The following FAM168A variants were observed in gnomAD, a reference collection of about 807,000 sequenced individuals.
FAM168A encodes the protein family with sequence similarity 168 member A, also known as protein FAM168A.
FAM168A carries 3 observed loss-of-function variants against 28.5 expected under a neutral mutation model. The observed-to-expected ratio is 0.11, with a 90% CI of 0.05 to 0.27. The LOEUF (loss-of-function observed/expected upper bound fraction) is 0.27, where lower values mean the gene tolerates loss of function less well. Among genes scored for constraint, FAM168A ranks in the 10% least tolerant of loss-of-function variants. FAM168A has a pLI of 1.00. For missense variants in FAM168A, 222 were observed against 311.5 expected, an observed-to-expected ratio of 0.71 and a Z score of 2.16; for synonymous variants, 122 against 124.2, an observed-to-expected ratio of 0.98 and a Z score of 0.12.
chr11:73,481,568 A>G (rs967211098), intron 1 of FAM168A, among the ~76,000 whole-genome samples: 5 of 152,220 alleles, frequency 3.3e-5, no homozygotes, highest in African/African-American at 1.2e-4. Flanking sequence ...CAATCCTCAG[A>G]GTCTCTCTTT....
chr11:73,461,096 A>C (rs1489278847), intron 2 of FAM168A, among the ~76,000 whole-genome samples: 1 of 152,040 alleles, frequency 6.6e-6, no homozygotes, highest in African/African-American at 2.4e-5. Flanking sequence ...TACAGGAGTA[A>C]ATCAGATACT....
intron 1 of FAM168A, among the ~76,000 whole-genome samples, chr11:73,469,634 C>T (rs1028099548): frequency 3.3e-5 from 5 of 152,112 alleles, no homozygotes; most frequent in Admixed American, 1.3e-4. Context: ...ACAGAATGTC[C>T]TAAAACATAC....
At chr11:73,457,746 A>G (rs868631083) in intron 2 of FAM168A, among the ~76,000 whole-genome samples, 5,187 of 138,460 alleles carry the variant, frequency 0.037, 395 homozygotes, top group African/African-American at 0.15. Flanking sequence ...AAAAAAAAAA[A>G]AAAAGAAAAG....
At chr11:73,481,011 A>G in intron 1 of FAM168A, among the ~76,000 whole-genome samples, 1 of 152,106 alleles carries the variant, frequency 6.6e-6, no homozygotes, top group Non-Finnish European at 1.5e-5. Context: ...TTTTAATACC[A>G]TCGTTCTCCA....
chr11:73,582,600 A>G (rs1484730572), intron 1 of FAM168A, among the ~76,000 whole-genome samples: 1 of 152,226 alleles, frequency 6.6e-6, no homozygotes, highest in African/African-American at 2.4e-5. Context: ...CAAATAGTTA[A>G]GTCAAGTCTT....
At chr11:73,554,314 G>A (rs1943864115) in intron 1 of FAM168A, among the ~76,000 whole-genome samples, 2 of 152,004 alleles carry the variant, frequency 1.3e-5, no homozygotes, top group African/African-American at 4.8e-5. Context: ...GTTTGAGGCT[G>A]CAGTGAGCTG....
At chr11:73,538,154 C>T (rs75407537) in intron 1 of FAM168A, among the ~76,000 whole-genome samples, 208 of 152,250 alleles carry the variant, frequency 1.4e-3, no homozygotes, top group African/African-American at 4.9e-3. Context: ...CACTTTTCTA[C>T]TACCTCATGT....
intron 1 of FAM168A, among the ~76,000 whole-genome samples, chr11:73,530,133 G>A (rs1002542526): frequency 5.9e-5 from 9 of 151,964 alleles, no homozygotes; most frequent in East Asian, 5.8e-4. Context: ...GTCACTTCTG[G>A]GACAATGCAG....
At chr11:73,448,855 C>T (rs926216782) in intron 2 of FAM168A, among the ~76,000 whole-genome samples, 3 of 152,180 alleles carry the variant, frequency 2.0e-5, no homozygotes, top group Non-Finnish European at 4.4e-5. Context: ...ATCAATGTCA[C>T]CTGCCACTGA....
At chr11:73,593,282 A>AAGC (rs1944402638) in intron 1 of FAM168A, among the ~76,000 whole-genome samples, 1 of 152,200 alleles carries the variant, frequency 6.6e-6, no homozygotes, top group Admixed American at 6.5e-5. Flanking sequence ...GCAAGTAGAA[A>AAGC]AGCCTTCAAT....
At chr11:73,528,227 A>G (rs144901593) in intron 1 of FAM168A, among the ~76,000 whole-genome samples, 12,481 of 152,204 alleles carry the variant, frequency 0.082, 1,554 homozygotes, top group African/African-American at 0.27. Flanking sequence ...TCCATTTTGA[A>G]TGAGGGCTAG....
At chr11:73,417,879 G>C (rs1866723897) in intron 4 of FAM168A, among the ~76,000 whole-genome samples, 2 of 152,066 alleles carry the variant, frequency 1.3e-5, no homozygotes, top group Admixed American at 1.3e-4. Context: ...CTCTTAAAGA[G>C]TAAAATCAAT....
At chr11:73,576,511 G>T (rs957197046) in intron 1 of FAM168A, among the ~76,000 whole-genome samples, 1 of 152,172 alleles carries the variant, frequency 6.6e-6, no homozygotes, top group Non-Finnish European at 1.5e-5. Flanking sequence ...GGTGAAAACT[G>T]AATGAGCGGT....
chr11:73,587,277 G>A (rs1200764442), intron 1 of FAM168A, among the ~76,000 whole-genome samples: 1 of 152,006 alleles, frequency 6.6e-6, no homozygotes, highest in Non-Finnish European at 1.5e-5. Flanking sequence ...GATCACCTGA[G>A]GTCAGGAGTT....
Position 73,466,396 on chromosome 11 carries a change from T to C in FAM168A, c.70+2009A>G, listed in dbSNP as rs1297069990. Among the ~76,000 whole-genome samples the C allele has an allele frequency of 2.6e-5, 4 of 152,362 alleles. No individual in the cohort carries two copies. The East Asian group carries it at 5.8e-4, about 22-fold the overall frequency. ...CAAAGAACTGAGTTCAAATATTTTCTCATCCCTTAGAAGCTATATACATTA... is the reference window on the plus strand; with the variant it reads ...CAAAGAACTGAGTTCAAATATTTTCCCATCCCTTAGAAGCTATATACATTA... On this transcript the variant is annotated intron_variant, in intron 2 of 7. Transcript: ENST00000356467.
At chr11:73,557,215 T>C (rs1943901864) in intron 1 of FAM168A, among the ~76,000 whole-genome samples, 1 of 152,150 alleles carries the variant, frequency 6.6e-6, no homozygotes, top group Admixed American at 6.5e-5. Flanking sequence ...CTTGAAGATA[T>C]TATGCTAAGT....
intron 2 of FAM168A, among the ~76,000 whole-genome samples, chr11:73,445,009 C>T (rs1207270615): frequency 3.9e-5 from 6 of 152,102 alleles, no homozygotes; most frequent in Admixed American, 2.0e-4. Context: ...CCTGTAATCC[C>T]AACATTTTGG....
At position 73,459,920 on chromosome 11, in the gene FAM168A, G is replaced by A. The variant is rs529755384; in HGVS notation, c.70+8485C>T. 2.6e-5 allele frequency among the ~76,000 whole-genome samples: 3 copies of A among 117,098 alleles called. No individual in the cohort carries two copies. In the East Asian group the frequency reaches 7.5e-4, roughly 29 times the overall value. The allele number at this position is 117,098 out of a possible 152,430, so 76.8% of individuals were successfully genotyped here. A position where few individuals can be genotyped will look rare whatever the true frequency, so the allele number is the denominator to read the frequency against. ...TTTTTTTTGAGACGGAGTCTCTGTT[G>A]CCCAGGCTGGAGTGCAGTGGCACAA... is the stretch of plus-strand genomic sequence containing the variant. On this transcript the variant is annotated intron_variant, in intron 2 of 7. Coordinates refer to ENST00000356467, the MANE Select transcript of FAM168A (RefSeq NM_015159.3).
intron 1 of FAM168A, among the ~76,000 whole-genome samples, chr11:73,547,523 G>A (rs1943774318): frequency 6.6e-6 from 1 of 152,088 alleles, no homozygotes; most frequent in Admixed American, 6.6e-5. Context: ...TAAGCCAGGT[G>A]TGCTGATGCA....
Sources: allele counts gnomAD v4.1 joint callset (sites outside exome capture counted in the v4.1 genomes callset), GRCh38; gene constraint gnomAD v4.1.1; transcripts MANE v1.5; gene names NCBI Gene and HGNC (gene_info 2026-07-23, HGNC 2026-07-21).